Variants in CYP39A1 observed in about 807,000 individuals in gnomAD.
CYP39A1 encodes cytochrome P450 family 39 subfamily A member 1, also known as 24-hydroxycholesterol 7-alpha-hydroxylase.
CYP39A1 carries 49 observed loss-of-function variants against 58.1 expected under a neutral mutation model. That is an observed-to-expected ratio of 0.84 (90% confidence interval 0.67 to 1.07). CYP39A1 has a LOEUF of 1.07. Among genes scored for constraint, CYP39A1 ranks in the 50% least tolerant of loss-of-function variants. The pLI is 0.00. For missense variants in CYP39A1, 531 were observed against 539.4 expected, an observed-to-expected ratio of 0.98 and a Z score of 0.16; for synonymous variants, 209 against 187.6, an observed-to-expected ratio of 1.11 and a Z score of -0.93.
intron 10 of CYP39A1, chr6:46,583,373 G>C: frequency 1.0e-6 from 1 of 985,344 alleles, no homozygotes; most frequent in African/African-American, 1.7e-5. Flanking sequence ...CAGGGGACAG[G>C]TATAGCAAGC....
intron 10 of CYP39A1, among the ~76,000 whole-genome samples, chr6:46,566,742 C>T (rs699943): frequency 0.19 from 28,603 of 151,552 alleles, 5,364 homozygotes; most frequent in African/African-American, 0.48. Flanking sequence ...GATCTTATGG[C>T]TTATTTTATT....
intron 5 of CYP39A1, among the ~76,000 whole-genome samples, chr6:46,634,083 C>A (rs1258791809): frequency 5.3e-5 from 8 of 152,226 alleles, no homozygotes; most frequent in Non-Finnish European, 1.2e-4. Flanking sequence ...TACGAAGCCA[C>A]CAAAATCTCA....
intron 10 of CYP39A1, among the ~76,000 whole-genome samples, chr6:46,579,484 A>G (rs953364909): frequency 5.9e-5 from 9 of 152,128 alleles, no homozygotes; most frequent in Admixed American, 5.9e-4. Context: ...CTCCAATTCA[A>G]CCTAGTACTA....
intron 7 of CYP39A1, among the ~76,000 whole-genome samples, chr6:46,622,072 A>C (rs1449992874): frequency 6.6e-6 from 1 of 152,146 alleles, no homozygotes; most frequent in Non-Finnish European, 1.5e-5. Flanking sequence ...AGCCAGACAC[A>C]AAGGACCACA....
intron 6 of CYP39A1, among the ~76,000 whole-genome samples, chr6:46,627,635 A>G (rs1430723136): frequency 1.3e-5 from 2 of 151,602 alleles, no homozygotes; most frequent in Non-Finnish European, 1.5e-5. Context: ...AGCTAGGATG[A>G]TCTCGATCTC....
intron 1 of CYP39A1, 24 bp downstream of exon 1, chr6:46,652,382 A>T: frequency 6.3e-7 from 1 of 1,590,816 alleles, no homozygotes; most frequent in East Asian, 2.3e-5. Context: ...TCCTCTGGAG[A>T]CCCCGTCTGC....
At chr6:46,586,747 TTCTA>T in intron 10 of CYP39A1, among the ~76,000 whole-genome samples, 1 of 152,182 alleles carries the variant, frequency 6.6e-6, no homozygotes, top group South Asian at 2.1e-4. Context: ...AGAAATATAA[TTCTA>T]TCTTTGTTTT....
At chr6:46,629,007 C>A (rs1398423559) in intron 6 of CYP39A1, among the ~76,000 whole-genome samples, 2 of 152,128 alleles carry the variant, frequency 1.3e-5, no homozygotes, top group Non-Finnish European at 2.9e-5. Flanking sequence ...TCCCATTTTA[C>A]AGATAAGGGC....
At chr6:46,585,962 T>C (rs1330166857) in intron 10 of CYP39A1, among the ~76,000 whole-genome samples, 2 of 152,086 alleles carry the variant, frequency 1.3e-5, no homozygotes, top group Non-Finnish European at 2.9e-5. Context: ...GTCTCTCCTT[T>C]CACTCTGTTT....
intron 7 of CYP39A1, among the ~76,000 whole-genome samples, chr6:46,617,197 G>A (rs1353860739): frequency 1.3e-5 from 2 of 152,028 alleles, no homozygotes; most frequent in African/African-American, 4.8e-5. Flanking sequence ...AAATATGGTA[G>A]TCATATTTTT....
At chr6:46,567,754 A>G (rs777477908) in intron 10 of CYP39A1, among the ~76,000 whole-genome samples, 4 of 152,176 alleles carry the variant, frequency 2.6e-5, no homozygotes, top group Non-Finnish European at 4.4e-5. Flanking sequence ...AATTCAGGGC[A>G]CACACACAGA....
intron 10 of CYP39A1, among the ~76,000 whole-genome samples, chr6:46,583,922 G>C (rs1014141098): frequency 6.6e-6 from 1 of 152,166 alleles, no homozygotes; most frequent in South Asian, 2.1e-4. Flanking sequence ...TTGATCATCA[G>C]CCATATTACA....
At chr6:46,650,478 CAT>C (rs1762611642) in intron 1 of CYP39A1, among the ~76,000 whole-genome samples, 1 of 103,070 alleles carries the variant, frequency 9.7e-6, no homozygotes, top group Admixed American at 1.2e-4. Flanking sequence ...ATAATGCAGT[CAT>C]ATTCTTTTTT....
chr6:46,616,265 T>C (rs902367535), intron 7 of CYP39A1, among the ~76,000 whole-genome samples: 1 of 111,116 alleles, frequency 9.0e-6, no homozygotes, highest in African/African-American at 3.6e-5. Flanking sequence ...CCTTTCTTCC[T>C]TCCTTCCTTC....
At chr6:46,605,158 A>G (rs1048380958) in intron 7 of CYP39A1, among the ~76,000 whole-genome samples, 13 of 152,202 alleles carry the variant, frequency 8.5e-5, no homozygotes, top group African/African-American at 2.9e-4. Context: ...GTACTCTAGA[A>G]AAAGAAAGCA....
At chr6:46,588,222 G>GCA in intron 8 of CYP39A1, 93 bp from the exon 9 acceptor site, 1 of 562,396 alleles carries the variant, frequency 1.8e-6, no homozygotes. Flanking sequence ...TTATATTGTG[G>GCA]TGAAGATATA....
At chr6:46,650,383 CTT>C (rs34431587) in intron 1 of CYP39A1, among the ~76,000 whole-genome samples, 2 of 145,938 alleles carry the variant, frequency 1.4e-5, no homozygotes, top group East Asian at 4.0e-4. Context: ...AGCACTCTGG[CTT>C]TTTTTTTTAT....
chr6:46,608,620 A>AT (rs574219709), intron 7 of CYP39A1, among the ~76,000 whole-genome samples: 190 of 148,322 alleles, frequency 1.3e-3, no homozygotes, highest in Middle Eastern at 7.0e-3. Flanking sequence ...TTATTTATTT[A>AT]TTTTTTTTTT....
At chr6:46,584,001 A>G (rs1772309764) in intron 10 of CYP39A1, among the ~76,000 whole-genome samples, 1 of 152,184 alleles carries the variant, frequency 6.6e-6, no homozygotes, top group Non-Finnish European at 1.5e-5. Context: ...AACACAAATC[A>G]AGAACGAGTG....
Sources: gnomAD v4.1 joint callset for allele counts (sites outside exome capture counted in the v4.1 genomes callset) on GRCh38, gnomAD v4.1.1 for gene constraint, MANE v1.5 for transcripts, NCBI Gene and HGNC (gene_info 2026-07-23, HGNC 2026-07-21) for gene names.